Variants in MTAP observed in about 807,000 individuals in gnomAD.
MTAP encodes the protein methylthioadenosine phosphorylase.
MTAP carries 33 observed loss-of-function variants against 33.6 expected under a neutral mutation model. The ratio of observed to expected loss-of-function variants is 0.98; its 90% CI spans 0.74 to 1.31. The LOEUF (loss-of-function observed/expected upper bound fraction) is 1.31. MTAP is among the 40% of genes most tolerant of loss of function. The pLI is 0.00. For synonymous variants in MTAP, 148 were observed against 125.7 expected, an observed-to-expected ratio of 1.18 and a Z score of -1.19; for missense variants, 367 against 360.0, an observed-to-expected ratio of 1.02 and a Z score of -0.16.
intron 1 of MTAP, among the ~76,000 whole-genome samples, chr9:21,899,195 G>A (rs984165742): frequency 7.7e-5 from 10 of 129,420 alleles, no homozygotes; most frequent in African/African-American, 2.9e-4. Context: ...AGAACACCTG[G>A]ACACAGGAAG....
chr9:21,898,481 C>T (rs546545397), intron 1 of MTAP, among the ~76,000 whole-genome samples: 74 of 152,224 alleles, frequency 4.9e-4, no homozygotes, highest in African/African-American at 1.7e-3. Context: ...ACAATCTACC[C>T]ATTTGACAAA....
chr9:21,890,439 A>G (rs1293430458), intron 1 of MTAP, among the ~76,000 whole-genome samples: 2 of 152,058 alleles, frequency 1.3e-5, no homozygotes, highest in East Asian at 1.9e-4. Context: ...TGCACTTCTC[A>G]TTGATCTCTC....
downstream of MTAP, among the ~76,000 whole-genome samples, chr9:21,940,426 A>G (rs767300966): frequency 7.9e-5 from 12 of 152,196 alleles, no homozygotes; most frequent in Non-Finnish European, 1.5e-4. Context: ...GAAAAACTAT[A>G]TATTAGTAGA....
chr9:21,818,032 T>C lies in MTAP; in HGVS notation c.180-3T>C. ...GTTAACAATTTCTTCTCTCCTTCCA[T>C]AGGCATGGAAGGCAGCACACCATCA... is the stretch of plus-strand genomic sequence containing the variant. On this transcript the variant is annotated splice_region_variant and splice_polypyrimidine_tract_variant and intron_variant, in intron 3 of 7. Coordinates refer to ENST00000644715, the MANE Select transcript of MTAP (RefSeq NM_002451.4). 1 of 1,606,284 alleles carries C rather than the reference T, an allele frequency of 6.2e-7. No homozygotes were observed. Among genetic ancestry groups the C allele is most frequent in the Non-Finnish European group, 8.5e-7 (1 of 1,177,308 alleles).
At chr9:21,840,229 A>AT (rs1825209908) in intron 5 of MTAP, among the ~76,000 whole-genome samples, 1 of 152,144 alleles carries the variant, frequency 6.6e-6, no homozygotes, top group Non-Finnish European at 1.5e-5. Flanking sequence ...GTCAAAAAAA[A>AT]AAAAAAGTAA....
intron 4 of MTAP, among the ~76,000 whole-genome samples, chr9:21,820,102 C>A (rs1008765337): frequency 6.6e-6 from 1 of 152,284 alleles, no homozygotes; most frequent in Admixed American, 6.5e-5. Flanking sequence ...TGCCTGTTCA[C>A]TCTGATGGTA....
At chr9:21,802,931 A>G in intron 1 of MTAP, 150 bp downstream of exon 1, 1 of 1,378,556 alleles carries the variant, frequency 7.3e-7, no homozygotes, top group Non-Finnish European at 9.3e-7. Context: ...CTCGGGACTC[A>G]CTTGCCGCGC....
intron 1 of MTAP, among the ~76,000 whole-genome samples, chr9:21,908,067 T>C (rs1376283721): frequency 2.6e-5 from 4 of 152,182 alleles, no homozygotes; most frequent in African/African-American, 9.6e-5. Context: ...GAACATTTCA[T>C]TCACCACAAG....
downstream of MTAP, among the ~76,000 whole-genome samples, chr9:21,867,597 C>A (rs973588004): frequency 2.6e-5 from 4 of 151,960 alleles, no homozygotes; most frequent in African/African-American, 9.7e-5. Context: ...GCTCATGAGA[C>A]AGATTGGTCT....
intron 4 of MTAP, among the ~76,000 whole-genome samples, chr9:21,829,985 A>G (rs926146009): frequency 4.4e-4 from 67 of 152,280 alleles, no homozygotes; most frequent in Middle Eastern, 3.4e-3. Context: ...AAGCCTGGGC[A>G]TAAGAAAAGG....
At chr9:21,906,197 A>C (rs1818473755) in intron 1 of MTAP, among the ~76,000 whole-genome samples, 3 of 152,244 alleles carry the variant, frequency 2.0e-5, no homozygotes, top group Admixed American at 2.0e-4. Context: ...AAATGTTAGC[A>C]GAAGAAGAGA....
chr9:21,936,612 A>G (rs1819044370), exon 8 of MTAP: 1 of 152,214 alleles, frequency 6.6e-6, no homozygotes, highest in Non-Finnish European at 1.5e-5. Context: ...GTTAAAAAAC[A>G]CTTTAAACTG....
At chr9:21,833,167 A>G (rs1825015277) in intron 4 of MTAP, among the ~76,000 whole-genome samples, 2 of 152,102 alleles carry the variant, frequency 1.3e-5, no homozygotes, top group Non-Finnish European at 2.9e-5. Context: ...TCTTAGTGAT[A>G]TTGGTCCAAA....
At chr9:21,855,455 C>T (rs1265592019) in intron 6 of MTAP, among the ~76,000 whole-genome samples, 1 of 152,040 alleles carries the variant, frequency 6.6e-6, no homozygotes, top group Non-Finnish European at 1.5e-5. Flanking sequence ...GTTGACCAGA[C>T]CAAATATTTG....
At chr9:21,854,043 A>G (rs187868423) in intron 5 of MTAP, among the ~76,000 whole-genome samples, 61 of 152,336 alleles carry the variant, frequency 4.0e-4, no homozygotes, top group Admixed American at 1.6e-3. Context: ...GAATTCCAAG[A>G]TGTTTATCCC....
At chr9:21,921,387 A>G (rs536159160) in intron 1 of MTAP, among the ~76,000 whole-genome samples, 1 of 152,168 alleles carries the variant, frequency 6.6e-6, no homozygotes, top group South Asian at 2.1e-4. Context: ...TCTCAATTTC[A>G]TTTACTTCTG....
At chr9:21,887,107 ATTTC>A (rs1203774548) in intron 1 of MTAP, among the ~76,000 whole-genome samples, 1 of 151,834 alleles carries the variant, frequency 6.6e-6, no homozygotes, top group Non-Finnish European at 1.5e-5. Context: ...GTGATCTATG[ATTTC>A]TTTTTTATTA....
intron 1 of MTAP, among the ~76,000 whole-genome samples, chr9:21,809,373 C>T (rs1824287183): frequency 6.6e-6 from 1 of 152,134 alleles, no homozygotes; most frequent in South Asian, 2.1e-4. Flanking sequence ...GGCGCGGTGG[C>T]TCATGCCTGT....
chr9:21,842,925 G>A (rs531665897), intron 5 of MTAP, among the ~76,000 whole-genome samples: 18 of 152,120 alleles, frequency 1.2e-4, no homozygotes, highest in East Asian at 1.9e-4. Context: ...TACTGATGTC[G>A]AATGTAAATG....
Sources: gnomAD v4.1 joint callset for allele counts (sites outside exome capture counted in the v4.1 genomes callset) on GRCh38, gnomAD v4.1.1 for gene constraint, MANE v1.5 for transcripts, NCBI Gene and HGNC (gene_info 2026-07-23, HGNC 2026-07-21) for gene names.